Variants in NME7 observed in about 807,000 individuals in gnomAD.
NME7 encodes NME/NM23 family member 7.
Under a neutral mutation model 49.1 loss-of-function variants are expected in NME7, and 41 were observed. That is an observed-to-expected ratio of 0.83 (90% CI 0.65 to 1.08). NME7 has a LOEUF of 1.08. NME7 is among the 50% of genes least tolerant of loss of function. The probability of loss-of-function intolerance (pLI) is 0.00; values close to 1 mark genes in which losing one functional copy is unlikely to be tolerated. For synonymous variants in NME7, 139 were observed against 150.6 expected, an observed-to-expected ratio of 0.92 and a Z score of 0.56; for missense variants, 423 against 463.4, an observed-to-expected ratio of 0.91 and a Z score of 0.80.
chr1:169,232,702 A>G (rs1290718462), intron 9 of NME7, among the ~76,000 whole-genome samples: 2 of 151,874 alleles, frequency 1.3e-5, no homozygotes, highest in African/African-American at 2.4e-5. Flanking sequence ...AGACGTTTTA[A>G]GACAAAAAAG....
chr1:169,296,227 C>T (rs1428097838), intron 6 of NME7, among the ~76,000 whole-genome samples: 1 of 152,178 alleles, frequency 6.6e-6, no homozygotes, highest in African/African-American at 2.4e-5. Context: ...CTACTCCACA[C>T]AGGGTTTTGC....
chr1:169,293,285 G>A (rs149241047), intron 6 of NME7, among the ~76,000 whole-genome samples: 2 of 142,636 alleles, frequency 1.4e-5, no homozygotes, highest in African/African-American at 5.3e-5. Context: ...GGGCAGCAGA[G>A]TGAGACTCTT....
Position 169,350,172 on chromosome 1 carries a change from A to AGAAAGGAAG in NME7, c.3+17527_3+17535dup, listed in dbSNP as rs199974933. Among the ~76,000 whole-genome samples, 8 of 150,402 alleles carry AGAAAGGAAG rather than the reference A, an allele frequency of 5.3e-5. No individual in the cohort carries two copies. In the South Asian group the frequency reaches 6.3e-4, roughly 12 times the overall value. On this transcript the variant is annotated intron_variant, in intron 1 of 11. Transcript: ENST00000367811. ...GTGCCAAGAAAGAAAGAAAGAAGAA[A>AGAAAGGAAG]GAAAGGAAGGAAAGGAAGGAAAGGA...
At chr1:169,266,701 T>C (rs12751379) in intron 7 of NME7, among the ~76,000 whole-genome samples, 11,886 of 132,734 alleles carry the variant, frequency 0.09, 3,206 homozygotes, top group East Asian at 0.75. Context: ...CTAAAAAACC[T>C]CATTAGTCTC....
intron 10 of NME7, among the ~76,000 whole-genome samples, chr1:169,224,881 G>C (rs1286825576): frequency 6.6e-6 from 1 of 152,094 alleles, no homozygotes; most frequent in Non-Finnish European, 1.5e-5. Flanking sequence ...AATTTAACAG[G>C]TGATATAAAA....
At chr1:169,147,890 A>G (rs192383097) in intron 11 of NME7, among the ~76,000 whole-genome samples, 1 of 152,348 alleles carries the variant, frequency 6.6e-6, no homozygotes, top group East Asian at 1.9e-4. Flanking sequence ...AGAAGGATAT[A>G]GCGATTGTTA....
intron 3 of NME7, among the ~76,000 whole-genome samples, chr1:169,314,232 T>C (rs947673078): frequency 1.1e-4 from 17 of 150,736 alleles, no homozygotes; most frequent in Admixed American, 3.3e-4. Flanking sequence ...CATAAAACAA[T>C]AATAGTAAAT....
chr1:169,228,633 C>T (rs920305067), intron 10 of NME7, among the ~76,000 whole-genome samples: 15 of 147,862 alleles, frequency 1.0e-4, no homozygotes, highest in East Asian at 2.0e-4. Flanking sequence ...GCCGAGATTG[C>T]GCCACTGCAG....
chr1:169,319,688 A>G (rs1651781963), intron 3 of NME7, among the ~76,000 whole-genome samples: 1 of 152,164 alleles, frequency 6.6e-6, no homozygotes, highest in African/African-American at 2.4e-5. Context: ...AGTTGACTTC[A>G]TAATTTTTCT....
At chr1:169,237,503 G>T in intron 8 of NME7, 120 bp downstream of exon 8, 1 of 644,312 alleles carries the variant, frequency 1.6e-6, no homozygotes, top group South Asian at 2.5e-5. Context: ...AGTTCAGTAA[G>T]TATGTCTTTT....
At chr1:169,324,567 A>G in intron 1 of NME7, 67 bp from the exon 2 acceptor site, 4 of 951,244 alleles carry the variant, frequency 4.2e-6, no homozygotes, top group Non-Finnish European at 6.6e-6. Flanking sequence ...TGTAAGTCAC[A>G]CAAAATGAAA....
intron 7 of NME7, among the ~76,000 whole-genome samples, chr1:169,279,743 C>G (rs530804670): frequency 2.6e-5 from 4 of 152,360 alleles, no homozygotes; most frequent in African/African-American, 9.6e-5. Flanking sequence ...AACCCGGTAC[C>G]TCAGATGGAA....
chr1:169,150,889 A>T (rs1307201984), intron 11 of NME7, among the ~76,000 whole-genome samples: 1 of 152,246 alleles, frequency 6.6e-6, no homozygotes, highest in Admixed American at 6.5e-5. Flanking sequence ...CACTAAAAGA[A>T]TAAAAGCCTT....
chr1:169,149,566 T>A (rs533750817), intron 11 of NME7, among the ~76,000 whole-genome samples: 2 of 152,284 alleles, frequency 1.3e-5, no homozygotes, highest in East Asian at 3.9e-4. Context: ...ATGATAAAGT[T>A]GAATTTATAA....
intron 3 of NME7, among the ~76,000 whole-genome samples, chr1:169,316,289 A>C (rs1651623595): frequency 6.6e-6 from 1 of 152,220 alleles, no homozygotes; most frequent in Non-Finnish European, 1.5e-5. Flanking sequence ...AGAAGATTAG[A>C]GCTAAAGTGT....
chr1:169,270,846 A>G (rs10919120), intron 7 of NME7, among the ~76,000 whole-genome samples: 61,674 of 131,830 alleles, frequency 0.47, 21,903 homozygotes, highest in East Asian at 0.91. Context: ...AATATCCCAT[A>G]GCTAGTAAGT....
At chr1:169,189,334 CAAAATCAT>C (rs995484231) in intron 10 of NME7, among the ~76,000 whole-genome samples, 3 of 152,090 alleles carry the variant, frequency 2.0e-5, no homozygotes, top group African/African-American at 7.2e-5. Context: ...TTAATAATCA[CAAAATCAT>C]TATTTTCGCA....
chr1:169,317,713 C>T (rs920974439), intron 3 of NME7, among the ~76,000 whole-genome samples: 1 of 152,088 alleles, frequency 6.6e-6, no homozygotes, highest in Non-Finnish European at 1.5e-5. Flanking sequence ...GTCTGTTCCC[C>T]GAGAAGTAGC....
intron 10 of NME7, among the ~76,000 whole-genome samples, chr1:169,218,915 C>T (rs1477205027): frequency 2.6e-5 from 4 of 152,122 alleles, no homozygotes; most frequent in Admixed American, 1.3e-4. Flanking sequence ...GATAAATGCC[C>T]TGGATCTTAA....
Sources: allele counts gnomAD v4.1 joint callset (sites outside exome capture counted in the v4.1 genomes callset), GRCh38; gene constraint gnomAD v4.1.1; transcripts MANE v1.5; gene names NCBI Gene and HGNC (gene_info 2026-07-23, HGNC 2026-07-21).